KIAA1217: variants seen among roughly 807,000 people sequenced by gnomAD.
KIAA1217 encodes KIAA1217.
Under a neutral mutation model 163.9 loss-of-function variants are expected in KIAA1217, and 88 were observed. The observed-to-expected ratio is 0.54, with a 90% CI of 0.45 to 0.64. The LOEUF is 0.64. Ranked by LOEUF, KIAA1217 falls within the 30% of genes least tolerant of loss-of-function variation. KIAA1217 has a pLI of 0.00. For missense variants in KIAA1217, 2,372 were observed against 2,475.0 expected (o/e 0.96, Z 0.88); for synonymous variants, 903 against 923.1 (o/e 0.98, Z 0.39).
chr10:24,362,792 G>A (rs765762433), intron 2 of KIAA1217, among the ~76,000 whole-genome samples: 6 of 152,144 alleles, frequency 3.9e-5, no homozygotes, highest in African/African-American at 9.7e-5. Flanking sequence ...CTTGAGGCCC[G>A]GAGTTCGATA....
chr10:24,066,708 A>C (rs2060962839), intron 2 of KIAA1217, among the ~76,000 whole-genome samples: 1 of 152,152 alleles, frequency 6.6e-6, no homozygotes, highest in Non-Finnish European at 1.5e-5. Context: ...AGATTGGGGA[A>C]GTTCTCCTGG....
At chr10:24,534,926 A>G (rs891110740) in intron 16 of KIAA1217, among the ~76,000 whole-genome samples, 3 of 150,290 alleles carry the variant, frequency 2.0e-5, no homozygotes, top group Admixed American at 1.3e-4. Context: ...AAGTGCTCTA[A>G]CCTTAACTTA....
intron 1 of KIAA1217, among the ~76,000 whole-genome samples, chr10:23,836,540 A>G (rs1361910894): frequency 3.4e-5 from 5 of 146,214 alleles, no homozygotes; most frequent in Admixed American, 2.7e-4. Context: ...TTTACTTTGT[A>G]TAAATGTAAG....
At position 24,015,686 on chromosome 10, in the gene KIAA1217, C is replaced by T. The variant is rs538278520; in HGVS notation, c.-171+8312C>T. 1.2e-4 allele frequency among the ~76,000 whole-genome samples: 18 copies of T among 149,680 alleles called. No homozygotes were observed. The East Asian group carries it at 3.6e-3, about 30-fold the overall frequency. ...CAGGAGAATGTTTGAACCTAGGAGG[C>T]AGAGGTTGCAGTGAGCCAAGATTGT... On this transcript the variant is annotated intron_variant, in intron 2 of 18. Transcript: ENST00000376462.
intron 1 of KIAA1217, among the ~76,000 whole-genome samples, chr10:23,929,243 T>C (rs1489167810): frequency 6.6e-6 from 1 of 152,254 alleles, no homozygotes; most frequent in East Asian, 1.9e-4. Context: ...TCTTCATGGC[T>C]AACCACCACA....
At chr10:23,786,951 A>T (rs1246926675) in intron 1 of KIAA1217, among the ~76,000 whole-genome samples, 1 of 152,208 alleles carries the variant, frequency 6.6e-6, no homozygotes, top group East Asian at 1.9e-4. Context: ...GAATATGACA[A>T]TGAGAAATGG....
At chr10:24,500,848 A>G (rs909068334) in intron 8 of KIAA1217, among the ~76,000 whole-genome samples, 8 of 152,176 alleles carry the variant, frequency 5.3e-5, no homozygotes, top group African/African-American at 1.9e-4. Flanking sequence ...TTAGGGAGGC[A>G]GAGGCAGGAG....
chr10:23,706,628 G>A (rs569602225), intron 1 of KIAA1217, among the ~76,000 whole-genome samples: 3 of 152,174 alleles, frequency 2.0e-5, no homozygotes, highest in South Asian at 4.1e-4. Context: ...ACTTGATTAT[G>A]TTGTACAATC....
chr10:24,261,905 G>A (rs755240159), intron 2 of KIAA1217, among the ~76,000 whole-genome samples: 61 of 152,190 alleles, frequency 4.0e-4, no homozygotes, highest in Non-Finnish European at 7.8e-4. Context: ...TAGACAGAAT[G>A]TTTTGGCCTT....
intron 2 of KIAA1217, chr10:24,042,396 GAGA>G (rs1240022216): frequency 6.6e-6 from 1 of 152,184 alleles, no homozygotes; most frequent in Non-Finnish European, 1.5e-5. Flanking sequence ...CAGCTTAGGT[GAGA>G]AGATTTTGAG....
At chr10:23,790,910 T>TA (rs1033998191) in intron 1 of KIAA1217, among the ~76,000 whole-genome samples, 20 of 151,886 alleles carry the variant, frequency 1.3e-4, no homozygotes, top group African/African-American at 4.8e-4. Context: ...AATTTATATA[T>TA]TTTTTTGTAG....
chr10:24,446,457 G>C (rs1003670540), intron 5 of KIAA1217, among the ~76,000 whole-genome samples: 5 of 152,076 alleles, frequency 3.3e-5, no homozygotes, highest in African/African-American at 1.2e-4. Context: ...ATGTGTGTCT[G>C]CAGTGGCCAC....
At chr10:24,000,944 T>C (rs1303548720) in intron 1 of KIAA1217, among the ~76,000 whole-genome samples, 1 of 152,218 alleles carries the variant, frequency 6.6e-6, no homozygotes, top group African/African-American at 2.4e-5. Context: ...TGGACTCTGA[T>C]GGCCTGAACT....
chr10:23,836,633 G>C (rs927125742), intron 1 of KIAA1217, among the ~76,000 whole-genome samples: 1 of 151,048 alleles, frequency 6.6e-6, no homozygotes, highest in African/African-American at 2.4e-5. Context: ...TTAGAATAAC[G>C]CACATTTTAG....
intron 2 of KIAA1217, among the ~76,000 whole-genome samples, chr10:24,090,164 C>CTTTTTTTTTTTTTTTTTTTT (rs1162687231): frequency 3.5e-4 from 38 of 109,210 alleles, no homozygotes; most frequent in Non-Finnish European, 5.4e-4. Context: ...TTTTCTTTTT[C>CTTTTTTTTTTTTTTTTTTTT]TTTTTTTTTT....
At chr10:23,850,914 G>A (rs1033545704) in intron 1 of KIAA1217, among the ~76,000 whole-genome samples, 24 of 152,004 alleles carry the variant, frequency 1.6e-4, no homozygotes, top group African/African-American at 5.1e-4. Context: ...ACCACGTCTC[G>A]TGAGAACTCA....
rs972399073 is a variant in KIAA1217 at position 24,243,376 on chromosome 10, C to T, written c.354+23467C>T. On this transcript the variant is annotated intron_variant, in intron 2 of 20. Transcript: ENST00000376454. ...GTGCACCCATTATTCAACTAGTGAA[C>T]ATCATAACCCATAGGTAATTTTTCA... Among the ~76,000 whole-genome samples, 5 of 152,160 alleles carry T rather than the reference C, an allele frequency of 3.3e-5. No homozygotes were observed. The East Asian group carries it at 9.6e-4, about 29-fold the overall frequency.
intron 1 of KIAA1217, among the ~76,000 whole-genome samples, chr10:23,985,001 A>T (rs1208934543): frequency 6.6e-6 from 1 of 151,864 alleles, no homozygotes; most frequent in Non-Finnish European, 1.5e-5. Flanking sequence ...CACAACCACC[A>T]TTCTTTTGGG....
At chr10:23,932,046 G>T (rs892924968) in intron 1 of KIAA1217, among the ~76,000 whole-genome samples, 1 of 152,156 alleles carries the variant, frequency 6.6e-6, no homozygotes, top group African/African-American at 2.4e-5. Context: ...GGCAGGGAGA[G>T]AGCAGAAGAA....
Sources: allele counts gnomAD v4.1 joint callset (sites outside exome capture counted in the v4.1 genomes callset), GRCh38; gene constraint gnomAD v4.1.1; transcripts MANE v1.5; gene names NCBI Gene and HGNC (gene_info 2026-07-23, HGNC 2026-07-21).